Variants in TRAF2 observed in about 807,000 individuals in gnomAD.
TRAF2 encodes the protein TNF receptor-associated factor 2.
In TRAF2, 6 loss-of-function variants were observed where a neutral mutation model predicts 55.6. That is an observed-to-expected ratio of 0.11 (90% CI 0.06 to 0.21). The LOEUF (loss-of-function observed/expected upper bound fraction) is 0.21. TRAF2 is among the 10% of genes least tolerant of loss of function. The pLI is 1.00. For missense variants in TRAF2, 561 were observed against 684.5 expected, an observed-to-expected ratio of 0.82 and a Z score of 2.01; for synonymous variants, 329 against 276.3, an observed-to-expected ratio of 1.19 and a Z score of -1.89.
intron 1 of TRAF2, among the ~76,000 whole-genome samples, chr9:136,889,218 T>C (rs1029767897): frequency 1.4e-5 from 2 of 147,722 alleles, no homozygotes; most frequent in African/African-American, 5.0e-5. Flanking sequence ...TGGTTTTTTC[T>C]GTTTTTTTTT....
At chr9:136,920,894 T>C in intron 8 of TRAF2, 144 bp from the exon 9 acceptor site, 1 of 1,032,418 alleles carries the variant, frequency 9.7e-7, no homozygotes, top group Non-Finnish European at 1.4e-6. Context: ...GGTTGGGTTC[T>C]TGTGTGCAGG....
At chr9:136,894,852 C>T (rs1190381332) in intron 1 of TRAF2, among the ~76,000 whole-genome samples, 1 of 152,208 alleles carries the variant, frequency 6.6e-6, no homozygotes, top group Non-Finnish European at 1.5e-5. Context: ...GAGGTGCACT[C>T]ACCTGTAGTC....
chr9:136,911,846 C>CTTT lies in TRAF2; in HGVS notation c.603+1871_603+1873dup, dbSNP rs71492143. Among the ~76,000 whole-genome samples the CTTT allele has an allele frequency of 6.7e-4, 48 of 71,446 alleles. 9 individuals carry two copies. The highest frequency in any genetic ancestry group is 1.2e-3 in the African/African-American group (19 of 15,714). 46.9% of individuals were successfully genotyped at this position (71,446 alleles called of 152,430 possible). A position where few individuals can be genotyped will look rare whatever the true frequency, so the allele number is the denominator to read the frequency against. The stretch of plus-strand genomic sequence containing the variant: ...GCGTGCTTGGGATTTTCTCTTATCT[C>CTTT]TTTTTTTTTTTTTTTTTTTTTGAGA... On this transcript the variant is annotated intron_variant, in intron 6 of 10. Transcript: ENST00000247668.
rs201722643 is a variant in TRAF2 at position 136,925,671 on chromosome 9, T to C, written c.1288-12T>C. ...CAGACCTGTGTCCCCTCCCTGGGGC[T>C]CTCTCCTCCAGGTGACCTTAATGCT... On this transcript the variant is annotated splice_polypyrimidine_tract_variant and intron_variant, in intron 10 of 10. Coordinates refer to ENST00000247668, the MANE Select transcript of TRAF2 (RefSeq NM_021138.4). The C allele has an allele frequency of 5.0e-5, 81 of 1,613,248 alleles. No homozygotes were observed. The East Asian group carries it at 1.5e-3, about 30-fold the overall frequency.
chr9:136,893,723 G>T lies in TRAF2; in HGVS notation c.-28-4990G>T, dbSNP rs1012159844. Reference sequence around the variant, plus strand: ...TGACTTAAAAAGCACCTCCTATTTGGGGTCTGTGTGGTAGTGACCCTTTTT... The same window carrying T: ...TGACTTAAAAAGCACCTCCTATTTGTGGTCTGTGTGGTAGTGACCCTTTTT... On this transcript the variant is annotated intron_variant, in intron 1 of 10. Transcript: ENST00000247668. Among the ~76,000 whole-genome samples, 6 of 152,258 alleles carry T rather than the reference G, an allele frequency of 3.9e-5. No individual in the cohort carries two copies. The East Asian group carries it at 9.6e-4, about 24-fold the overall frequency.
chr9:136,890,135 C>T (rs17243676), intron 1 of TRAF2, among the ~76,000 whole-genome samples: 49 of 145,592 alleles, frequency 3.4e-4, no homozygotes, highest in African/African-American at 1.1e-3. Flanking sequence ...ACTGCACGCT[C>T]GTTCAGCCGG....
At chr9:136,890,440 A>C (rs1849558945) in intron 1 of TRAF2, 1 of 152,292 alleles carries the variant, frequency 6.6e-6, no homozygotes, top group African/African-American at 2.4e-5. Flanking sequence ...ACCAGGTCTC[A>C]GTCTGTGTGT....
intron 4 of TRAF2, 108 bp from the exon 5 acceptor site, chr9:136,907,962 C>A: frequency 7.1e-7 from 1 of 1,417,962 alleles, no homozygotes; most frequent in Non-Finnish European, 9.5e-7. Flanking sequence ...CCAGGACCAG[C>A]ATGCGGACAC....
At chr9:136,923,123 C>T (rs772375395) in intron 9 of TRAF2, among the ~76,000 whole-genome samples, 4 of 152,096 alleles carry the variant, frequency 2.6e-5, no homozygotes, top group Non-Finnish European at 5.9e-5. Flanking sequence ...GGAAGGAAGT[C>T]GACTCTTCTT....
intron 1 of TRAF2, among the ~76,000 whole-genome samples, chr9:136,893,878 T>C (rs1221594748): frequency 6.6e-6 from 1 of 151,578 alleles, no homozygotes; most frequent in Non-Finnish European, 1.5e-5. Flanking sequence ...GCCTCCTGAG[T>C]AGCTGGGATT....
intron 1 of TRAF2, among the ~76,000 whole-genome samples, chr9:136,896,099 A>G (rs563141411): frequency 3.3e-5 from 5 of 150,846 alleles, no homozygotes; most frequent in African/African-American, 7.3e-5. Context: ...GAGCCCCCCC[A>G]CCCCCACTGG....
rs142610265 is a variant in TRAF2, at chr9:136,909,872, G to A, written c.529-48G>A. On this transcript the variant is annotated intron_variant, in intron 5 of 10. Transcript: ENST00000247668. ...GCACTGTGTGCCGCCCTCCACCCGC[G>A]CCTGGCATTGGCGTCCACCCTCACA... is the stretch of plus-strand genomic sequence containing the variant. 8.5e-4 allele frequency: 1,369 copies of A among 1,601,884 alleles called. 10 individuals are homozygous for A. In the African/African-American group the frequency reaches 0.016, roughly 19 times the overall value.
At chr9:136,903,971 C>T (rs760608959) in intron 4 of TRAF2, among the ~76,000 whole-genome samples, 7 of 152,262 alleles carry the variant, frequency 4.6e-5, no homozygotes, top group East Asian at 1.9e-4. Flanking sequence ...CGTGAGCCAC[C>T]GCGCCCAGCC....
At chr9:136,902,751 T>C (rs1849851379) in intron 4 of TRAF2, among the ~76,000 whole-genome samples, 2 of 152,094 alleles carry the variant, frequency 1.3e-5, no homozygotes, top group African/African-American at 4.8e-5. Flanking sequence ...GTCTATACAG[T>C]TGGGAGCCGC....
chr9:136,923,693 C>T (rs1340975583), intron 9 of TRAF2, among the ~76,000 whole-genome samples, 159 bp from the exon 10 acceptor site: 5 of 113,490 alleles, frequency 4.4e-5, no homozygotes, highest in Admixed American at 3.4e-4. Flanking sequence ...TGGAAACTAA[C>T]TGCATAGTTT....
At chr9:136,892,976 T>C (rs1168220535) in intron 1 of TRAF2, among the ~76,000 whole-genome samples, 1 of 152,228 alleles carries the variant, frequency 6.6e-6, no homozygotes, top group Non-Finnish European at 1.5e-5. Context: ...ATGCCTCTTA[T>C]GAAGACTAAG....
rs17244432 is a variant in TRAF2 at position 136,907,210 on chromosome 9, G to A, written c.367-860G>A. On this transcript the variant is annotated intron_variant, in intron 4 of 10. Coordinates refer to ENST00000247668, the MANE Select transcript of TRAF2 (RefSeq NM_021138.4). ...TCCACAGTCCTCTGCCTCGCCTGAC[G>A]CTTAGCCTGCGGCACCGGCTCCCGC... Among the ~76,000 whole-genome samples, 1,271 of 152,344 alleles carry A rather than the reference G, an allele frequency of 8.3e-3. 8 individuals are homozygous for A. Among genetic ancestry groups the A allele is most frequent in the Non-Finnish European group, 1.0e-2 (677 of 68,034 alleles).
intron 1 of TRAF2, among the ~76,000 whole-genome samples, chr9:136,898,283 A>G (rs1849732642): frequency 6.6e-6 from 1 of 152,214 alleles, no homozygotes; most frequent in East Asian, 1.9e-4. Flanking sequence ...ATATTTCAGA[A>G]GGCATCCACC....
intron 1 of TRAF2, among the ~76,000 whole-genome samples, chr9:136,887,075 G>A (rs573804612): frequency 8.3e-4 from 126 of 152,296 alleles, no homozygotes; most frequent in Non-Finnish European, 1.5e-3. Context: ...GGGCGGAGCC[G>A]ACTCTGCTGC....
Sources: allele counts gnomAD v4.1 joint callset (sites outside exome capture counted in the v4.1 genomes callset), GRCh38; gene constraint gnomAD v4.1.1; transcripts MANE v1.5; gene names NCBI Gene and HGNC (gene_info 2026-07-23, HGNC 2026-07-21).